TSPAN9: variants seen among roughly 807,000 people sequenced by gnomAD.
The protein encoded by TSPAN9 is tetraspanin 9.
In TSPAN9, 16 loss-of-function variants were observed where a neutral mutation model predicts 31.0. That is an observed-to-expected ratio of 0.52 (90% CI 0.35 to 0.78). The LOEUF (loss-of-function observed/expected upper bound fraction) is 0.78. Ranked by LOEUF, TSPAN9 falls within the 30% of genes least tolerant of loss-of-function variation. The pLI is 0.01. For missense variants in TSPAN9, 272 were observed against 312.5 expected (o/e 0.87, Z 0.98); for synonymous variants, 145 against 121.6 (o/e 1.19, Z -1.27).
intron 2 of TSPAN9, 32 bp downstream of exon 2, chr12:3,083,751 G>A (rs1591619015): frequency 1.3e-5 from 2 of 152,254 alleles, no homozygotes; most frequent in East Asian, 3.9e-4. Flanking sequence ...TTGTGGGGTA[G>A]GGCCTCTGAA....
At chr12:3,186,837 A>AGG (rs1408241875) in intron 2 of TSPAN9, among the ~76,000 whole-genome samples, 3 of 151,894 alleles carry the variant, frequency 2.0e-5, no homozygotes, top group Non-Finnish European at 4.4e-5. Flanking sequence ...CCTGGGGAGG[A>AGG]GGGGGCAGGA....
intron 2 of TSPAN9, among the ~76,000 whole-genome samples, chr12:3,118,198 C>T (rs1591635574): frequency 6.7e-6 from 1 of 149,908 alleles, no homozygotes; most frequent in African/African-American, 2.5e-5. Flanking sequence ...TCCTCATTTC[C>T]AGCACTAACA....
chr12:3,222,372 T>C (rs765304093), intron 3 of TSPAN9, among the ~76,000 whole-genome samples: 25 of 152,214 alleles, frequency 1.6e-4, no homozygotes, highest in Non-Finnish European at 3.5e-4. Context: ...GGAAACCTCG[T>C]CCAGGTTGGA....
intron 2 of TSPAN9, among the ~76,000 whole-genome samples, chr12:3,145,581 T>A (rs2098336786): frequency 6.6e-6 from 1 of 152,154 alleles, no homozygotes; most frequent in Non-Finnish European, 1.5e-5. Context: ...AACTCACTCG[T>A]CACCCTGAAT....
rs1398907401 is a variant in TSPAN9, at chr12:3,168,890, C to A, written c.-17-32287C>A. On this transcript the variant is annotated intron_variant, in intron 2 of 8. Transcript: ENST00000011898. The surrounding 1 kb of genome is among the most constrained non-coding windows in gnomAD (Gnocchi z 4.0). ...GTGTGGGCGTGCAGATGGATGAGCT[C>A]AGGTTTGGACGTGACTCAGAAGGAA... Among the ~76,000 whole-genome samples the A allele has an allele frequency of 1.3e-5, 2 of 152,168 alleles. No individual in the cohort carries two copies. Among genetic ancestry groups the A allele is most frequent in the Non-Finnish European group, 2.9e-5 (2 of 68,034 alleles).
chr12:3,226,487 T>A (rs2098387177), intron 3 of TSPAN9, among the ~76,000 whole-genome samples: 2 of 151,474 alleles, frequency 1.3e-5, no homozygotes, highest in African/African-American at 4.9e-5. Context: ...GGTAAAATGC[T>A]GACTGCTGAT....
rs143800042 is a variant in TSPAN9 at position 3,270,164 on chromosome 12, A to G, written c.64-8257A>G. 6.6e-5 allele frequency among the ~76,000 whole-genome samples: 10 copies of G among 152,172 alleles called. No homozygotes were observed. In the East Asian group the frequency reaches 9.7e-4, roughly 15 times the overall value. On this transcript the variant is annotated intron_variant, in intron 3 of 8. Transcript: ENST00000011898. ...CCTCTACCTTCTTTTCCAGTTCCCC[A>G]TGGAGGAAGAAGGCCTGTGGGTCAG...
intron 2 of TSPAN9, among the ~76,000 whole-genome samples, chr12:3,120,996 A>T (rs574673): frequency 6.6e-6 from 1 of 152,122 alleles, no homozygotes; most frequent in Non-Finnish European, 1.5e-5. Flanking sequence ...CCAGCCTGCC[A>T]CTGGCCACTG....
At chr12:3,199,809 C>G (rs1198439039) in intron 2 of TSPAN9, among the ~76,000 whole-genome samples, 2 of 152,184 alleles carry the variant, frequency 1.3e-5, no homozygotes, top group Non-Finnish European at 2.9e-5. Flanking sequence ...TCGCGCCTCC[C>G]TGCGGTCCCT....
chr12:3,165,685 T>A (rs1020517481), intron 2 of TSPAN9, among the ~76,000 whole-genome samples: 2 of 152,168 alleles, frequency 1.3e-5, no homozygotes, highest in Admixed American at 1.3e-4. Context: ...TTGTAAGCTC[T>A]CAAGGCCGCG....
intron 2 of TSPAN9, among the ~76,000 whole-genome samples, chr12:3,104,310 C>T (rs150726943): frequency 2.6e-5 from 4 of 151,330 alleles, no homozygotes; most frequent in Admixed American, 6.6e-5. Flanking sequence ...GGTAGAAAAT[C>T]GGTAAGTGAC....
intron 3 of TSPAN9, among the ~76,000 whole-genome samples, chr12:3,213,359 G>C (rs2098379750): frequency 6.6e-6 from 1 of 152,218 alleles, no homozygotes; most frequent in African/African-American, 2.4e-5. Flanking sequence ...TCCCCCGCTT[G>C]TTGGCAAGAG....
At chr12:3,258,973 G>T (rs73047075) in intron 3 of TSPAN9, among the ~76,000 whole-genome samples, 6,390 of 152,276 alleles carry the variant, frequency 0.042, 180 homozygotes, top group Non-Finnish European at 0.063. Flanking sequence ...AACACCTGTG[G>T]AGCTAGAGGT....
chr12:3,220,468 A>G (rs2098383843), intron 3 of TSPAN9, among the ~76,000 whole-genome samples: 1 of 152,224 alleles, frequency 6.6e-6, no homozygotes, highest in African/African-American at 2.4e-5. Context: ...CGGTGCCTGC[A>G]TAGTCTGCGG....
At chr12:3,191,924 G>A (rs572778428) in intron 2 of TSPAN9, among the ~76,000 whole-genome samples, 5 of 152,288 alleles carry the variant, frequency 3.3e-5, no homozygotes, top group Non-Finnish European at 5.9e-5. Context: ...TTTTGACAGT[G>A]GGGGGCAGCC....
chr12:3,175,329 G>T (rs1318279886), intron 2 of TSPAN9, among the ~76,000 whole-genome samples: 1 of 152,188 alleles, frequency 6.6e-6, no homozygotes, highest in East Asian at 1.9e-4. Context: ...GTGAGACAGA[G>T]AGGCAGAGAA....
chr12:3,107,888 CT>C lies in TSPAN9; in HGVS notation c.-18+24172del. 6.6e-6 allele frequency among the ~76,000 whole-genome samples: 1 copy of C among 152,156 alleles called. No individual in the cohort carries two copies. Among genetic ancestry groups the C allele is most frequent in the Non-Finnish European group, 1.5e-5 (1 of 68,038 alleles). On this transcript the variant is annotated intron_variant, in intron 2 of 8. Coordinates refer to ENST00000011898, the MANE Select transcript of TSPAN9 (RefSeq NM_006675.5). The surrounding 1 kb of genome is among the most constrained non-coding windows in gnomAD (Gnocchi z 4.1). ...CTTGTCTCTGTCCAGGCCCCCAAGCCTTTGCACATATTCCTGCTCCCTGGAC... is the reference window on the plus strand; with the variant it reads ...CTTGTCTCTGTCCAGGCCCCCAAGCCTTGCACATATTCCTGCTCCCTGGAC...
intron 2 of TSPAN9, among the ~76,000 whole-genome samples, chr12:3,098,290 T>C (rs972436072): frequency 1.3e-5 from 2 of 152,208 alleles, no homozygotes; most frequent in African/African-American, 4.8e-5. Context: ...TAGAATGTTT[T>C]CATTGCCTCT....
At chr12:3,130,953 G>T (rs996159433) in intron 2 of TSPAN9, among the ~76,000 whole-genome samples, 1 of 152,118 alleles carries the variant, frequency 6.6e-6, no homozygotes, top group Non-Finnish European at 1.5e-5. Flanking sequence ...CGTTGTAGCC[G>T]CATCGGATTT....
Sources: allele counts gnomAD v4.1 joint callset (sites outside exome capture counted in the v4.1 genomes callset), GRCh38; gene constraint gnomAD v4.1.1; non-coding constraint Gnocchi (gnomAD v3.1); transcripts MANE v1.5; gene names NCBI Gene and HGNC (gene_info 2026-07-23, HGNC 2026-07-21).